Variants in KIRREL3 observed in about 807,000 individuals in gnomAD.
KIRREL3 encodes kin of IRRE-like protein 3.
In KIRREL3, 36 loss-of-function variants were observed where a neutral mutation model predicts 89.7. The ratio of observed to expected loss-of-function variants is 0.40; its 90% CI spans 0.31 to 0.53. KIRREL3 has a LOEUF of 0.53. Ranked by LOEUF, KIRREL3 falls within the 20% of genes least tolerant of loss-of-function variation. The pLI is 0.49. For synonymous variants in KIRREL3, 445 were observed against 441.4 expected, an observed-to-expected ratio of 1.01 and a Z score of -0.10; for missense variants, 864 against 1,056.6, an observed-to-expected ratio of 0.82 and a Z score of 2.53.
intron 1 of KIRREL3, among the ~76,000 whole-genome samples, chr11:126,881,542 A>T (rs1009632435): frequency 6.6e-6 from 1 of 152,154 alleles, no homozygotes; most frequent in South Asian, 2.1e-4. Context: ...TAATGCAATT[A>T]AAAAAATCAT....
At chr11:126,439,799 T>C (rs1955490831) in intron 11 of KIRREL3, among the ~76,000 whole-genome samples, 2 of 151,412 alleles carry the variant, frequency 1.3e-5, no homozygotes, top group African/African-American at 2.4e-5. Context: ...GCCTGGGTGA[T>C]AGAGCGAGAC....
At chr11:126,445,527 G>A (rs919655470) in intron 9 of KIRREL3, among the ~76,000 whole-genome samples, 3 of 152,158 alleles carry the variant, frequency 2.0e-5, no homozygotes, top group Non-Finnish European at 2.9e-5. Flanking sequence ...GGGGCTCCTG[G>A]ACCTGTTTTC....
chr11:126,942,138 C>T (rs931594616), intron 1 of KIRREL3, among the ~76,000 whole-genome samples: 12 of 152,106 alleles, frequency 7.9e-5, no homozygotes, highest in South Asian at 4.1e-4. Context: ...ATAGAGCGTA[C>T]GCCCATGAAG....
rs535456011 is a variant in KIRREL3, at chr11:126,878,341, C to A, written c.55+122114G>T. On this transcript the variant is annotated intron_variant, in intron 1 of 16. Transcript: ENST00000525144. ...CTAATGGGGTCTCACCACCTCCCAC[C>A]CCCATTAGATATATATACTGTTGCA... Among the ~76,000 whole-genome samples the A allele has an allele frequency of 2.0e-4, 30 of 152,190 alleles. No individual in the cohort carries two copies. In the South Asian group the frequency reaches 5.0e-3, roughly 25 times the overall value.
intron 4 of KIRREL3, among the ~76,000 whole-genome samples, chr11:126,499,210 C>T (rs939939920): frequency 4.6e-5 from 7 of 150,920 alleles, no homozygotes; most frequent in Admixed American, 6.6e-5. Context: ...CTGCTGGAAT[C>T]GTCATTGCAT....
In KIRREL3 at chr11:126,436,868, A is replaced by G. The variant is rs1358235169; in HGVS notation, c.1495T>C (p.Cys499Arg). The G allele has an allele frequency of 6.2e-7, 1 of 1,613,704 alleles. No individual in the cohort carries two copies. The highest frequency in any genetic ancestry group is 2.2e-5 in the East Asian group (1 of 44,886). The change falls in exon 12 of 17, where the codon TGC (cysteine) becomes CGC (arginine). Residue 499 changes from cysteine (C) to arginine (R), a missense_variant. Transcript: ENST00000525144. Reference sequence around the variant, plus strand: ...GAGCCGAAGCTGTTCCAGGCCGTGCAGTTGTAGATGGTCTGGAAGTCGGCC... The same window carrying G: ...GAGCCGAAGCTGTTCCAGGCCGTGCGGTTGTAGATGGTCTGGAAGTCGGCC... ...VRADFQTIYN[C>R]TAWNSFGSDT...
intron 1 of KIRREL3, among the ~76,000 whole-genome samples, chr11:126,721,786 G>C (rs1209355598): frequency 6.6e-6 from 1 of 152,124 alleles, no homozygotes; most frequent in Non-Finnish European, 1.5e-5. Flanking sequence ...ATGATAACAG[G>C]GTGCGTTGGA....
At chr11:126,681,235 C>G (rs1180615140) in intron 1 of KIRREL3, among the ~76,000 whole-genome samples, 1 of 152,182 alleles carries the variant, frequency 6.6e-6, no homozygotes, top group Non-Finnish European at 1.5e-5. Flanking sequence ...GGGTCTAAGA[C>G]CAGAAGCCAT....
intron 1 of KIRREL3, among the ~76,000 whole-genome samples, chr11:126,713,455 G>A (rs886604410): frequency 6.6e-6 from 1 of 152,156 alleles, no homozygotes; most frequent in African/African-American, 2.4e-5. Flanking sequence ...AGGTAAAGGG[G>A]AGCCCCAGGA....
rs1942883099 is a variant in KIRREL3, at chr11:126,606,237, A to T, written c.56-43325T>A. Among the ~76,000 whole-genome samples the T allele has an allele frequency of 6.6e-6, 1 of 152,240 alleles. No homozygotes were observed. Among genetic ancestry groups the T allele is most frequent in the South Asian group, 2.1e-4 (1 of 4,832 alleles). On this transcript the variant is annotated intron_variant, in intron 1 of 16. Transcript: ENST00000525144. This position sits in a 1 kb window ranked among gnomAD's most constrained non-coding sequence, Gnocchi z 4.6. ...TTATTAATGTTAAAATATTATTTTT[A>T]TGAAGGCACAGTTTAGTATGGTGTT...
rs1197724220 is a variant in KIRREL3, at chr11:126,891,871, A to G, written c.55+108584T>C. Among the ~76,000 whole-genome samples, 1 of 152,222 alleles carries G rather than the reference A, an allele frequency of 6.6e-6. No individual in the cohort carries two copies. Among genetic ancestry groups the G allele is most frequent in the Non-Finnish European group, 1.5e-5 (1 of 68,034 alleles). The stretch of plus-strand genomic sequence containing the variant: ...GAGGAGTGTGGTCCTTGGGACATCT[A>G]GCCCAGGGAAAGAAATCTTGCCCAA... On this transcript the variant is annotated intron_variant, in intron 1 of 16. Transcript: ENST00000525144. This position sits in a 1 kb window ranked among gnomAD's most constrained non-coding sequence, Gnocchi z 5.1.
At chr11:126,493,962 C>A (rs1487904551) in intron 4 of KIRREL3, among the ~76,000 whole-genome samples, 1 of 152,184 alleles carries the variant, frequency 6.6e-6, no homozygotes, top group Admixed American at 6.5e-5. Flanking sequence ...GTGAGTGAGG[C>A]TCTTGTCTCG....
intron 1 of KIRREL3, among the ~76,000 whole-genome samples, chr11:126,882,728 C>T (rs966930831): frequency 6.6e-6 from 1 of 152,228 alleles, no homozygotes; most frequent in Admixed American, 6.5e-5. Flanking sequence ...TTTAATCCCC[C>T]TTTTGTGCCT....
Position 126,501,643 on chromosome 11 carries a change from C to T in KIRREL3, c.433+19672G>A, listed in dbSNP as rs1053323714. Among the ~76,000 whole-genome samples, 1 of 152,194 alleles carries T rather than the reference C, an allele frequency of 6.6e-6. No homozygotes were observed. On this transcript the variant is annotated intron_variant, in intron 4 of 16. Transcript: ENST00000525144. This position sits in a 1 kb window ranked among gnomAD's most constrained non-coding sequence, Gnocchi z 5.8. ...GGGAAGGAACACACTGCCCACTCAT[C>T]TATGACAAATCAATTAATTTGTCCA... is the stretch of plus-strand genomic sequence containing the variant.
At chr11:126,509,322 C>T (rs868307321) in intron 4 of KIRREL3, among the ~76,000 whole-genome samples, 2 of 152,168 alleles carry the variant, frequency 1.3e-5, no homozygotes, top group Admixed American at 6.5e-5. Context: ...ATGCCCTCAC[C>T]CCTCCTTCAT....
At position 126,639,283 on chromosome 11, in the gene KIRREL3, G is replaced by A. The variant is rs984292263; in HGVS notation, c.56-76371C>T. On this transcript the variant is annotated intron_variant, in intron 1 of 16. Transcript: ENST00000525144. This position sits in a 1 kb window ranked among gnomAD's most constrained non-coding sequence, Gnocchi z 4.3. ...AAACCTTACATATTGACTGAATCAG[G>A]CCTGTCTCCAATGAAGATCTAGGCA... Among the ~76,000 whole-genome samples, 1 of 152,128 alleles carries A rather than the reference G, an allele frequency of 6.6e-6. No homozygotes were observed. The highest frequency in any genetic ancestry group is 2.4e-5 in the African/African-American group (1 of 41,432).
At chr11:126,688,061 T>C (rs1356370797) in intron 1 of KIRREL3, among the ~76,000 whole-genome samples, 1 of 152,262 alleles carries the variant, frequency 6.6e-6, no homozygotes, top group Non-Finnish European at 1.5e-5. Context: ...CTCCTGCCTC[T>C]GCTAGTATGT....
At chr11:127,002,349 A>G (rs1255699526), upstream of KIRREL3, among the ~76,000 whole-genome samples, 2 of 152,242 alleles carry the variant, frequency 1.3e-5, no homozygotes, top group African/African-American at 4.8e-5. Flanking sequence ...GGGAGGAGAA[A>G]CAGAAATGTT....
At position 126,459,407 on chromosome 11, in the gene KIRREL3, A is replaced by G. The variant is rs1452565706; in HGVS notation, c.743-2953T>C. Among the ~76,000 whole-genome samples the G allele has an allele frequency of 2.0e-5, 3 of 151,936 alleles. No individual in the cohort carries two copies. The highest frequency in any genetic ancestry group is 4.4e-5 in the Non-Finnish European group (3 of 67,986). ...CCTCTTAGCATCGTCTTTGGTGATC[A>G]CCTGCCCCGAAGCGATTCACAAGGG... On this transcript the variant is annotated intron_variant, in intron 6 of 16. Transcript: ENST00000525144. This position sits in a 1 kb window ranked among gnomAD's most constrained non-coding sequence, Gnocchi z 4.8.
Sources: gnomAD v4.1 joint callset for allele counts (sites outside exome capture counted in the v4.1 genomes callset) on GRCh38, gnomAD v4.1.1 for gene constraint, Gnocchi (gnomAD v3.1) non-coding constraint, MANE v1.5 for transcripts, NCBI Gene and HGNC (gene_info 2026-07-23, HGNC 2026-07-21) for gene names.